The following UTRN variants were observed in gnomAD, a reference collection of about 807,000 sequenced individuals.
UTRN encodes dystrophin-related protein 1.
Under a neutral mutation model 463.9 loss-of-function variants are expected in UTRN, and 283 were observed. The observed-to-expected ratio is 0.61, with a 90% confidence interval of 0.55 to 0.67. UTRN has a LOEUF of 0.67. UTRN is among the 30% of genes least tolerant of loss of function. UTRN has a pLI of 0.00. For synonymous variants in UTRN, 1,442 were observed against 1,431.5 expected, an observed-to-expected ratio of 1.01 and a Z score of -0.17; for missense variants, 3,922 against 4,084.3, an observed-to-expected ratio of 0.96 and a Z score of 1.08.
chr6:144,514,950 A>T (rs1795487526), intron 37 of UTRN, 130 bp downstream of exon 37: 1 of 1,040,942 alleles, frequency 9.6e-7, no homozygotes, highest in Non-Finnish European at 1.3e-6. Flanking sequence ...TCTGTCACCG[A>T]GGCTGGAGTG....
Position 144,548,659 on chromosome 6 carries a change from G to T in UTRN, c.6615G>T (p.Lys2205Asn), listed in dbSNP as rs768278245. The change falls in exon 47 of 75, where the codon AAG becomes AAT. Residue 2205 changes from lysine (K) to asparagine (N), a missense_variant. Lys to Asn is a moderately conservative substitution (Grantham distance 94). Transcript: ENST00000367545. ...TTTCAGCTCATCCTAATGTCCAAAA[G>T]GTGGTGCTAGTATCATCTGCGTCAG... Reference protein sequence around the residue: ...TRIAAHPNVQKVVLVSSASDI... With the variant: ...TRIAAHPNVQNVVLVSSASDI... 2.5e-6 allele frequency: 4 copies of T among 1,613,682 alleles called. No homozygotes were observed. The highest frequency in any genetic ancestry group is 3.3e-5 in the Admixed American group (2 of 59,984).
At chr6:144,386,279 T>A (rs1781413517) in intron 2 of UTRN, among the ~76,000 whole-genome samples, 1 of 152,018 alleles carries the variant, frequency 6.6e-6, no homozygotes. Context: ...CAGGGCAACA[T>A]GGCGAAACCT....
intron 57 of UTRN, among the ~76,000 whole-genome samples, chr6:144,757,156 ATTC>A (rs1193005545): frequency 1.3e-5 from 2 of 150,640 alleles, no homozygotes; most frequent in East Asian, 2.0e-4. Context: ...CACATGTACT[ATTC>A]TTCTTAAATA....
Position 144,448,602 on chromosome 6 carries a change from G to C in UTRN, c.1905G>C (p.Val635=). The change falls in exon 17 of 75, where the codon GTG becomes GTC. Residue 635 remains valine (V), a splice_region_variant and synonymous_variant. Transcript: ENST00000367545. ...VQRLEDSSNQ[V]TQAVAKLGMS... is the part of the protein sequence containing the mutation. ...ATTTTGGATGGCTTTTATTTCAGGT[G>C]ACTCAGGCTGTAGCAAAGCTGGGGA... is the stretch of plus-strand genomic sequence containing the variant. 1 of 1,612,926 alleles carries C rather than the reference G, an allele frequency of 6.2e-7. No individual in the cohort carries two copies. The highest frequency in any genetic ancestry group is 8.5e-7 in the Non-Finnish European group (1 of 1,179,494).
rs4243472 is a variant in UTRN, at chr6:144,754,910, C to G, written c.8434+112C>G. On this transcript the variant is annotated intron_variant, in intron 57 of 74. Coordinates refer to ENST00000367545, the MANE Select transcript of UTRN (RefSeq NM_007124.3). ...TATAAATATGTTTATTTAGATAGAT[C>G]CTTGTAAGGAGGTACTAACATCAAA... The G allele has an allele frequency of 0.35, 337,911 of 979,306 alleles. 76,608 individuals are homozygous for G. Among genetic ancestry groups the G allele is most frequent in the East Asian group, 0.87 (33,291 of 38,088 alleles). 60.7% of individuals were successfully genotyped at this position (979,306 alleles called of 1,614,324 possible).
chr6:144,667,024 T>TTCC (rs58206153), intron 51 of UTRN, among the ~76,000 whole-genome samples: 16,152 of 151,344 alleles, frequency 0.11, 1,233 homozygotes, highest in East Asian at 0.28. Context: ...CTTCCTCTTC[T>TTCC]TCCTCCTCCT....
chr6:144,501,530 G>T (rs1794179572), intron 34 of UTRN, among the ~76,000 whole-genome samples: 1 of 151,860 alleles, frequency 6.6e-6, no homozygotes, highest in African/African-American at 2.4e-5. Flanking sequence ...AGTATTTATT[G>T]ACCTTCTTTT....
chr6:144,304,297 G>A (rs928903668), intron 2 of UTRN, among the ~76,000 whole-genome samples: 2 of 152,184 alleles, frequency 1.3e-5, no homozygotes, highest in Non-Finnish European at 2.9e-5. Context: ...TCTCTTGGTG[G>A]TACCCAAGTT....
chr6:144,755,823 A>C (rs746860938), intron 57 of UTRN, among the ~76,000 whole-genome samples: 2 of 152,144 alleles, frequency 1.3e-5, no homozygotes, highest in Admixed American at 1.3e-4. Flanking sequence ...TAAATTGATT[A>C]CATTTATATT....
chr6:144,390,947 C>T (rs907415374), intron 2 of UTRN, among the ~76,000 whole-genome samples: 8 of 152,154 alleles, frequency 5.3e-5, no homozygotes, highest in Non-Finnish European at 1.0e-4. Flanking sequence ...GTTACTATTT[C>T]TTTGTACAGT....
chr6:144,519,601 T>C (rs1420238658), intron 39 of UTRN, among the ~76,000 whole-genome samples: 1 of 152,190 alleles, frequency 6.6e-6, no homozygotes, highest in Non-Finnish European at 1.5e-5. Context: ...TTTTTAGTCC[T>C]AGGGCATTTT....
chr6:144,377,333 G>A (rs920367630), intron 2 of UTRN, among the ~76,000 whole-genome samples: 2 of 152,146 alleles, frequency 1.3e-5, no homozygotes, highest in African/African-American at 2.4e-5. Flanking sequence ...CACGGTGCCC[G>A]GCCTGTACCA....
At chr6:144,685,228 A>G (rs1782625160) in intron 52 of UTRN, among the ~76,000 whole-genome samples, 1 of 152,160 alleles carries the variant, frequency 6.6e-6, no homozygotes, top group South Asian at 2.1e-4. Flanking sequence ...TCTATGGCTG[A>G]GTGGTATTTC....
intron 51 of UTRN, among the ~76,000 whole-genome samples, chr6:144,643,679 C>G (rs1297626549): frequency 6.6e-6 from 1 of 151,988 alleles, no homozygotes; most frequent in Non-Finnish European, 1.5e-5. Flanking sequence ...CACCTGTAAT[C>G]CCAGCTACTT....
chr6:144,550,122 G>T (rs1040374726), intron 47 of UTRN, among the ~76,000 whole-genome samples: 9 of 152,156 alleles, frequency 5.9e-5, no homozygotes, highest in Non-Finnish European at 1.3e-4. Context: ...GTGAATGAGG[G>T]TTTGAGTGAT....
At chr6:144,428,447 T>C (rs1231722535) in intron 7 of UTRN, among the ~76,000 whole-genome samples, 3 of 151,210 alleles carry the variant, frequency 2.0e-5, no homozygotes, top group African/African-American at 7.3e-5. Flanking sequence ...TACTTTCTTA[T>C]CTCTTTTTGT....
At chr6:144,343,341 T>G (rs568560009) in intron 2 of UTRN, among the ~76,000 whole-genome samples, 36 of 148,846 alleles carry the variant, frequency 2.4e-4, no homozygotes, top group African/African-American at 8.8e-4. Context: ...CTGACCAACA[T>G]GGTGAAATCC....
chr6:144,414,825 C>T (rs1172777833), intron 3 of UTRN, among the ~76,000 whole-genome samples: 1 of 151,770 alleles, frequency 6.6e-6, no homozygotes, highest in East Asian at 1.9e-4. Context: ...AAGCGATTCT[C>T]CTGCCTCAGC....
Position 144,621,529 on chromosome 6 carries a change from G to A in UTRN, c.7479+44241G>A, listed in dbSNP as rs79059249. On this transcript the variant is annotated intron_variant, in intron 51 of 74. Coordinates refer to ENST00000367545, the MANE Select transcript of UTRN (RefSeq NM_007124.3). ...CTTGGGCTCCCATAGCACTTATCTC[G>A]CTATGATGCAATTCTCTTCTCAGAT... 2.5e-3 allele frequency among the ~76,000 whole-genome samples: 387 copies of A among 152,150 alleles called. 13 individuals carry two copies. In the East Asian group the frequency reaches 0.058, roughly 23 times the overall value.
Sources: allele counts gnomAD v4.1 joint callset (sites outside exome capture counted in the v4.1 genomes callset), GRCh38; gene constraint gnomAD v4.1.1; transcripts MANE v1.5; gene names NCBI Gene and HGNC (gene_info 2026-07-23, HGNC 2026-07-21).